The following ZW10 variants were observed in gnomAD, a reference collection of about 807,000 sequenced individuals.
ZW10 encodes centromere/kinetochore protein zw10 homolog.
ZW10 carries 53 observed loss-of-function variants against 87.8 expected under a neutral mutation model. That is an observed-to-expected ratio of 0.60 (90% CI 0.48 to 0.76). ZW10 has a LOEUF of 0.76. Ranked by LOEUF, ZW10 falls within the 30% of genes least tolerant of loss-of-function variation. The pLI, the probability that ZW10 is intolerant of heterozygous loss-of-function variation, is 0.00. For synonymous variants in ZW10, 312 were observed against 329.2 expected, an observed-to-expected ratio of 0.95 and a Z score of 0.57; for missense variants, 837 against 923.0, an observed-to-expected ratio of 0.91 and a Z score of 1.21.
In ZW10 at chr11:113,737,652, C is replaced by T. The variant is rs369441757; in HGVS notation, c.1936G>A (p.Val646Met). The change falls in exon 14 of 16, where the codon GTG (valine) becomes ATG (methionine). Residue 646 changes from valine to methionine, a missense_variant. Coordinates refer to ENST00000200135, the MANE Select transcript of ZW10 (RefSeq NM_004724.4). ...LGIVWQDVLP[V>M]NIYCKAMGTL... ...CCCATAGCCTTGCAATATATATTCACTGGCAGGACATCCTGCCACACAATT... is the reference window on the plus strand; with the variant it reads ...CCCATAGCCTTGCAATATATATTCATTGGCAGGACATCCTGCCACACAATT... 1.9e-6 allele frequency: 3 copies of T among 1,613,340 alleles called. No individual in the cohort carries two copies. The highest frequency in any genetic ancestry group is 2.7e-5 in the African/African-American group (2 of 74,936).
Position 113,761,291 on chromosome 11 carries a change from T to C in ZW10, c.241-373A>G, listed in dbSNP as rs80349692. Among the ~76,000 whole-genome samples, 5 of 152,318 alleles carry C rather than the reference T, an allele frequency of 3.3e-5. No homozygotes were observed. The South Asian group carries it at 1.0e-3, about 32-fold the overall frequency. On this transcript the variant is annotated intron_variant, in intron 2 of 15. Transcript: ENST00000200135. ...ACCTCTATTAGGAATTTCTTTTTTT[T>C]AATTGAAACAGGGTCTCACTCTGTT...
chr11:113,747,549 TTC>T lies in ZW10; in HGVS notation c.1252_1253del (p.Glu418AsnfsTer3). The T allele has an allele frequency of 1.2e-6, 2 of 1,612,682 alleles. No individual in the cohort carries two copies. Among genetic ancestry groups the T allele is most frequent in the Non-Finnish European group, 1.7e-6 (2 of 1,179,040 alleles). ...CTGGTACCTTCACAGTGTTATGAAT[TTC>T]TGAGGTCATTAGATTTCTGGCTGCC... ...IVAARNLMTSEIHNTVKIIPD... is the reference protein window; with the variant it reads ...IVAARNLMTSXIHNTVKIIPD... On this transcript the variant is annotated frameshift_variant, in exon 9 of 16. Transcript: ENST00000200135. LOFTEE classifies it high-confidence loss of function.
rs764773095 is a variant in ZW10 at position 113,757,891 on chromosome 11, T to C, written c.734-38A>G. 7 of 1,533,270 alleles carry C rather than the reference T, an allele frequency of 4.6e-6. No homozygotes were observed. The East Asian group carries it at 7.0e-5, about 15-fold the overall frequency. 95.0% of individuals were successfully genotyped at this position (1,533,270 alleles called of 1,614,324 possible). A position where few individuals can be genotyped will look rare whatever the true frequency, so the allele number is the denominator to read the frequency against. ...ATGAACATTCATCAAAAAATCACCA[T>C]AAGACACTTCTAGGCCAGGCACAGT... On this transcript the variant is annotated intron_variant, in intron 6 of 15. Transcript: ENST00000200135.
intron 9 of ZW10, among the ~76,000 whole-genome samples, chr11:113,745,877 CT>C (rs1242899604): frequency 6.6e-6 from 1 of 152,066 alleles, no homozygotes; most frequent in African/African-American, 2.4e-5. Flanking sequence ...GGAAGAGGAG[CT>C]TTTTTCAAAG....
intron 14 of ZW10, 86 bp from the exon 15 acceptor site, chr11:113,736,908 G>GACCCACCTGGACAGCA: frequency 1.6e-6 from 2 of 1,242,216 alleles, no homozygotes; most frequent in Non-Finnish European, 2.3e-6. Context: ...GATGCATGCT[G>GACCCACCTGGACAGCA]TCCAGGTGGG....
In ZW10 at chr11:113,768,815, A is replaced by G. The variant is rs768833882; in HGVS notation, c.240+18T>C. On this transcript the variant is annotated intron_variant, in intron 2 of 15. Coordinates refer to ENST00000200135, the MANE Select transcript of ZW10 (RefSeq NM_004724.4). The stretch of plus-strand genomic sequence containing the variant: ...CCACCTCCCTACAAACCTACCCAAT[A>G]TAACAAATTATCCTTACCTCACTCT... 5 of 1,613,324 alleles carry G rather than the reference A, an allele frequency of 3.1e-6. No homozygotes were observed. The highest frequency in any genetic ancestry group is 2.2e-5 in the East Asian group (1 of 44,872).
intron 9 of ZW10, among the ~76,000 whole-genome samples, chr11:113,746,495 C>CAAAAAAAAAAAAAAAAAAAAAAAACA (rs566009326): frequency 1.9e-5 from 2 of 105,340 alleles, no homozygotes; most frequent in African/African-American, 3.9e-5. Context: ...ACAAAACAGT[C>CAAAAAAAAAAAAAAAAAAAAAAAACA]AAAAAAAAAA....
chr11:113,758,218 A>G (rs984525898), intron 6 of ZW10, among the ~76,000 whole-genome samples: 4 of 151,286 alleles, frequency 2.6e-5, no homozygotes, highest in African/African-American at 9.7e-5. Flanking sequence ...AAAAAAAAAT[A>G]TGAATCTTTG....
chr11:113,773,049 G>A (rs1301448633), intron 1 of ZW10, among the ~76,000 whole-genome samples: 2 of 151,482 alleles, frequency 1.3e-5, no homozygotes, highest in Non-Finnish European at 2.9e-5. Flanking sequence ...ATGTCGGGGA[G>A]GAGAAAGGTG....
In ZW10 at chr11:113,738,287, C is replaced by T; in HGVS notation, c.1861G>A (p.Ala621Thr). 6.2e-7 allele frequency: 1 copy of T among 1,610,852 alleles called. No homozygotes were observed. Among genetic ancestry groups the T allele is most frequent in the Non-Finnish European group, 8.5e-7 (1 of 1,178,600 alleles). Reference protein sequence around the residue: ...SNMDDEENYSAASKAVRQVLH... With the variant: ...SNMDDEENYSTASKAVRQVLH... ...ACCTGCCGGACTGCTTTACTTGCTG[C>T]AGAATAATTCTCTTCATCGTCCATA... Residue 621 changes from alanine (A) to threonine (T), a missense_variant, in exon 13 of 16, where the codon GCA becomes ACA. Coordinates refer to ENST00000200135, the MANE Select transcript of ZW10 (RefSeq NM_004724.4).
chr11:113,733,390 A>C lies in ZW10; in HGVS notation c.*304T>G, dbSNP rs1413204203. On this transcript the variant is annotated 3_prime_UTR_variant, in exon 16 of 16. Transcript: ENST00000200135. ...TAGGGCCTGCATTTACAATGTATAT[A>C]GCTCCCAGAGGGCTCTGGAAGCAGC... 2 of 308,666 alleles carry C rather than the reference A, an allele frequency of 6.5e-6. No homozygotes were observed. The highest frequency in any genetic ancestry group is 4.5e-5 in the African/African-American group (2 of 44,908). The allele number at this position is 308,666 out of a possible 1,614,324, so 19.1% of individuals were successfully genotyped here.
chr11:113,758,505 CT>C, intron 6 of ZW10, 48 bp downstream of exon 6: 1 of 1,579,734 alleles, frequency 6.3e-7, no homozygotes, highest in Non-Finnish European at 8.7e-7. Context: ...CCCTTTAATA[CT>C]GGGCCTCAGG....
At chr11:113,770,825 A>T (rs1379476009) in intron 1 of ZW10, among the ~76,000 whole-genome samples, 1 of 148,324 alleles carries the variant, frequency 6.7e-6, no homozygotes, top group East Asian at 2.0e-4. Context: ...CTACCTCAAA[A>T]AAGAAAAAAA....
At chr11:113,760,464 A>G in intron 4 of ZW10, 49 bp downstream of exon 4, 1 of 1,604,610 alleles carries the variant, frequency 6.2e-7, no homozygotes, top group East Asian at 2.2e-5. Context: ...AATTTACTGA[A>G]AACAAGAAGA....
intron 2 of ZW10, among the ~76,000 whole-genome samples, chr11:113,764,989 C>T (rs1953896531): frequency 6.6e-6 from 1 of 152,220 alleles, no homozygotes; most frequent in Admixed American, 6.5e-5. Context: ...GCCCCAACCT[C>T]AACCAGGGAC....
At chr11:113,746,827 G>A (rs1006166087) in intron 9 of ZW10, among the ~76,000 whole-genome samples, 1 of 152,148 alleles carries the variant, frequency 6.6e-6, no homozygotes, top group African/African-American at 2.4e-5. Flanking sequence ...AAGGATGAAT[G>A]CAATAGATAA....
In ZW10 at chr11:113,755,282, G is replaced by A. The variant is rs542152979; in HGVS notation, c.925+2380C>T. ...TAAAAGCATTCATGATTCATGGGAG[G>A]AGGTCAAAATAGCAAAATTAACAGG... On this transcript the variant is annotated intron_variant, in intron 7 of 15. Transcript: ENST00000200135. Among the ~76,000 whole-genome samples the A allele has an allele frequency of 2.0e-5, 3 of 152,304 alleles. No individual in the cohort carries two copies. In the East Asian group the frequency reaches 5.8e-4, roughly 29 times the overall value.
rs777586190 is a variant in ZW10 at position 113,760,881 on chromosome 11, GTAAATTCACC to G, written c.268_277del (p.Gly90GlnfsTer3). On this transcript the variant is annotated frameshift_variant, in exon 3 of 16. Transcript: ENST00000200135. LOFTEE classifies it high-confidence loss of function. ...TCTTTCCAACTGCTGCTTTAAGTCTGTAAATTCACCGGTTGATACGTGAAGATCCCGGCGG... is the reference window on the plus strand; with the variant it reads ...TCTTTCCAACTGCTGCTTTAAGTCTGGGTTGATACGTGAAGATCCCGGCGG... The G allele has an allele frequency of 1.2e-6, 2 of 1,614,024 alleles. No homozygotes were observed. The highest frequency in any genetic ancestry group is 3.3e-5 in the Admixed American group (2 of 60,006).
At chr11:113,749,512 C>G (rs1180472832) in intron 7 of ZW10, among the ~76,000 whole-genome samples, 2 of 152,122 alleles carry the variant, frequency 1.3e-5, no homozygotes, top group East Asian at 3.9e-4. Flanking sequence ...AAAAATTGCA[C>G]AGAACTACAG....
Sources: gnomAD v4.1 joint callset for allele counts (sites outside exome capture counted in the v4.1 genomes callset) on GRCh38, gnomAD v4.1.1 for gene constraint, MANE v1.5 for transcripts, NCBI Gene and HGNC (gene_info 2026-07-23, HGNC 2026-07-21) for gene names.